METTL15: variants seen among roughly 807,000 people sequenced by gnomAD.
METTL15 encodes methyltransferase 15, mitochondrial 12S rRNA N4-cytidine.
In METTL15, 34 loss-of-function variants were observed where a neutral mutation model predicts 38.3. The ratio of observed to expected loss-of-function variants is 0.89; its 90% CI spans 0.68 to 1.18. The LOEUF (loss-of-function observed/expected upper bound fraction) is 1.18, where lower values mean the gene tolerates loss of function less well. Among genes scored for constraint, METTL15 ranks in the 50% most tolerant of loss-of-function variants. METTL15 has a pLI of 0.00. For missense variants in METTL15, 438 were observed against 498.4 expected, an observed-to-expected ratio of 0.88 and a Z score of 1.15; for synonymous variants, 162 against 170.9, an observed-to-expected ratio of 0.95 and a Z score of 0.41.
intron 6 of METTL15, among the ~76,000 whole-genome samples, chr11:28,487,880 A>G (rs753981213): frequency 2.0e-5 from 3 of 152,260 alleles, no homozygotes; most frequent in South Asian, 4.1e-4. Context: ...AGGAGCAAAC[A>G]TTTACTAAAT....
chr11:28,260,093 T>C (rs1855139937), intron 4 of METTL15, among the ~76,000 whole-genome samples: 1 of 152,252 alleles, frequency 6.6e-6, no homozygotes, highest in African/African-American at 2.4e-5. Context: ...TCTGCCTCAG[T>C]TGGGCTTTGG....
intron 2 of METTL15, among the ~76,000 whole-genome samples, chr11:28,111,874 C>A (rs1036974300): frequency 1.3e-5 from 2 of 152,118 alleles, no homozygotes; most frequent in African/African-American, 4.8e-5. Context: ...TACTTTTGTA[C>A]GCTTTCCAGA....
chr11:28,520,448 A>G (rs1201703213), intron 6 of METTL15, among the ~76,000 whole-genome samples: 4 of 152,186 alleles, frequency 2.6e-5, no homozygotes, highest in African/African-American at 9.7e-5. Context: ...GCCTGATAGA[A>G]ACAACAAAGG....
intron 4 of METTL15, among the ~76,000 whole-genome samples, chr11:28,352,862 G>A (rs1221662430): frequency 6.6e-6 from 1 of 152,134 alleles, no homozygotes; most frequent in Non-Finnish European, 1.5e-5. Context: ...GAATCAAAAT[G>A]ATCACATCAA....
At chr11:28,268,292 GA>G (rs1855513769) in intron 4 of METTL15, among the ~76,000 whole-genome samples, 1 of 147,532 alleles carries the variant, frequency 6.8e-6, no homozygotes, top group South Asian at 2.1e-4. Context: ...TTTTTACACA[GA>G]AATTGCTATA....
At chr11:28,157,907 C>T (rs554797309) in intron 3 of METTL15, among the ~76,000 whole-genome samples, 5 of 152,258 alleles carry the variant, frequency 3.3e-5, no homozygotes. Flanking sequence ...CGAGGCACCA[C>T]CTGAAAGTAG....
At position 28,392,296 on chromosome 11, in the gene METTL15, A is replaced by C. The variant is rs1163817397; in HGVS notation, c.*358+30260A>C. Among the ~76,000 whole-genome samples, 4 of 152,124 alleles carry C rather than the reference A, an allele frequency of 2.6e-5. No individual in the cohort carries two copies. In the East Asian group the frequency reaches 7.7e-4, roughly 29 times the overall value. On this transcript the variant is annotated intron_variant and NMD_transcript_variant, in intron 5 of 7. Transcript: ENST00000532947. ...CTGAAAAGCCAAAGCAATTATGAGA[A>C]AGAAAAAGCTGGATGCCTCAAACTC... is the stretch of plus-strand genomic sequence containing the variant.
At chr11:28,183,423 G>A (rs1851370056) in intron 3 of METTL15, among the ~76,000 whole-genome samples, 1 of 151,734 alleles carries the variant, frequency 6.6e-6, no homozygotes, top group Non-Finnish European at 1.5e-5. Flanking sequence ...TTATTTTGAG[G>A]TACGTCCCTT....
chr11:28,150,005 C>T (rs1356722602), intron 3 of METTL15, among the ~76,000 whole-genome samples: 1 of 151,798 alleles, frequency 6.6e-6, no homozygotes, highest in African/African-American at 2.4e-5. Context: ...GGCCCAATGT[C>T]GCTTCTTTGA....
intron 3 of METTL15, among the ~76,000 whole-genome samples, chr11:28,133,322 A>G (rs1423687383): frequency 1.3e-5 from 2 of 152,208 alleles, no homozygotes; most frequent in East Asian, 3.8e-4. Context: ...GATGGGAGCT[A>G]TGACTCGTGT....
chr11:28,165,694 C>A (rs1322814132), intron 3 of METTL15, among the ~76,000 whole-genome samples: 2 of 142,170 alleles, frequency 1.4e-5, no homozygotes, highest in Non-Finnish European at 3.1e-5. Flanking sequence ...GCTTTTGTTG[C>A]CTATGCTTCA....
intron 6 of METTL15, among the ~76,000 whole-genome samples, chr11:28,509,662 G>T (rs1350697653): frequency 6.6e-6 from 1 of 152,082 alleles, no homozygotes; most frequent in East Asian, 1.9e-4. Context: ...TTACCTCTCT[G>T]GGCTTTTGCT....
intron 3 of METTL15, among the ~76,000 whole-genome samples, chr11:28,338,544 A>G (rs1175494936): frequency 6.6e-6 from 1 of 152,050 alleles, no homozygotes; most frequent in Non-Finnish European, 1.5e-5. Context: ...TTCCGTAGCC[A>G]TATGGTGACT....
At chr11:28,252,190 T>A (rs1400104264) in intron 4 of METTL15, among the ~76,000 whole-genome samples, 2 of 151,942 alleles carry the variant, frequency 1.3e-5, no homozygotes, top group African/African-American at 4.8e-5. Context: ...AGGCAGACAA[T>A]GAATGAAATA....
At chr11:28,209,106 A>G (rs757532047) in intron 3 of METTL15, among the ~76,000 whole-genome samples, 12 of 152,032 alleles carry the variant, frequency 7.9e-5, no homozygotes, top group Non-Finnish European at 4.4e-5. Context: ...ATTAAAAATA[A>G]TCATGTAAAT....
intron 6 of METTL15, among the ~76,000 whole-genome samples, chr11:28,298,296 A>G (rs1856807622): frequency 6.6e-6 from 1 of 152,086 alleles, no homozygotes; most frequent in Non-Finnish European, 1.5e-5. Flanking sequence ...TCTGTCTCCC[A>G]TATTGGAAAG....
chr11:28,268,196 CA>C (rs71050954), intron 4 of METTL15, among the ~76,000 whole-genome samples: 23 of 64,160 alleles, frequency 3.6e-4, no homozygotes, highest in South Asian at 8.2e-4. Context: ...GACTCCGTCT[CA>C]AAAAAAAAAA....
chr11:28,518,448 C>T lies in METTL15; in HGVS notation c.*425-8030C>T, dbSNP rs527761234. The stretch of plus-strand genomic sequence containing the variant: ...AAAAGAATATCTGGATTTCTAGCAG[C>T]GAGGTGGCTGCATCATTCCTGTTGG... On this transcript the variant is annotated intron_variant and NMD_transcript_variant, in intron 6 of 7. Transcript: ENST00000532947. Among the ~76,000 whole-genome samples the T allele has an allele frequency of 3.5e-3, 533 of 152,294 alleles. 2 individuals are homozygous for T. Among genetic ancestry groups the T allele is most frequent in the South Asian group, 0.014 (67 of 4,824 alleles).
chr11:28,381,438 T>A (rs1180498042), intron 5 of METTL15, among the ~76,000 whole-genome samples: 1 of 152,210 alleles, frequency 6.6e-6, no homozygotes, highest in Non-Finnish European at 1.5e-5. Flanking sequence ...TTTTTTTGAA[T>A]AAGTTTCTAT....
Sources: gnomAD v4.1 joint callset for allele counts (sites outside exome capture counted in the v4.1 genomes callset) on GRCh38, gnomAD v4.1.1 for gene constraint, MANE v1.5 for transcripts, NCBI Gene and HGNC (gene_info 2026-07-23, HGNC 2026-07-21) for gene names.